Variants in MAPK10 observed in about 807,000 individuals in gnomAD.
The protein encoded by MAPK10 is mitogen-activated protein kinase 10, also known as JNK3 alpha protein kinase.
A neutral mutation model predicts 59.3 loss-of-function variants in MAPK10; 25 were observed. The observed-to-expected ratio is 0.42, with a 90% confidence interval of 0.31 to 0.59. The LOEUF is 0.59. Ranked by LOEUF, MAPK10 falls within the 20% of genes least tolerant of loss-of-function variation. The pLI, the probability that MAPK10 is intolerant of heterozygous loss-of-function variation, is 0.15. For synonymous variants in MAPK10, 190 were observed against 200.5 expected (o/e 0.95, Z 0.44); for missense variants, 351 against 568.9 (o/e 0.62, Z 3.90).
chr4:86,117,007 A>G (rs1253980343), intron 4 of MAPK10, among the ~76,000 whole-genome samples: 1 of 152,260 alleles, frequency 6.6e-6, no homozygotes, highest in Non-Finnish European at 1.5e-5. Flanking sequence ...CTTTCTGCTA[A>G]TTACAAATAC....
chr4:86,240,248 G>A (rs1423252432), intron 2 of MAPK10, among the ~76,000 whole-genome samples: 1 of 152,200 alleles, frequency 6.6e-6, no homozygotes, highest in African/African-American at 2.4e-5. Flanking sequence ...TGCACTTGCT[G>A]AGGAGTGTTT....
At chr4:86,029,766 G>A (rs566876231) in intron 12 of MAPK10, among the ~76,000 whole-genome samples, 1 of 151,130 alleles carries the variant, frequency 6.6e-6, no homozygotes, top group South Asian at 2.1e-4. Context: ...ACATTCTCAT[G>A]ACTTTAAATT....
intron 1 of MAPK10, chr4:86,357,681 T>C (rs1735206273): frequency 1.3e-5 from 2 of 152,158 alleles, no homozygotes; most frequent in South Asian, 4.1e-4. Flanking sequence ...CTGGGATCTG[T>C]TCATAAACAT....
chr4:86,463,938 G>A (rs1175508492), intron 1 of MAPK10, among the ~76,000 whole-genome samples: 1 of 152,166 alleles, frequency 6.6e-6, no homozygotes, highest in African/African-American at 2.4e-5. Flanking sequence ...TAGTATTATT[G>A]TTCAAGAGCA....
chr4:86,328,815 C>T (rs2096083497), intron 2 of MAPK10, among the ~76,000 whole-genome samples: 1 of 151,992 alleles, frequency 6.6e-6, no homozygotes, highest in Non-Finnish European at 1.5e-5. Context: ...AATACATGGA[C>T]ACAGGGAGGG....
At chr4:86,165,365 CAT>C (rs2071274963) in intron 3 of MAPK10, among the ~76,000 whole-genome samples, 1 of 151,864 alleles carries the variant, frequency 6.6e-6, no homozygotes, top group South Asian at 2.1e-4. Flanking sequence ...AAATTATTTA[CAT>C]ATGAGATTCG....
chr4:86,153,516 A>G (rs550173876), intron 4 of MAPK10, among the ~76,000 whole-genome samples: 1 of 152,336 alleles, frequency 6.6e-6, no homozygotes, highest in South Asian at 2.1e-4. Context: ...AGCATTAGTT[A>G]TCACATCAAC....
At chr4:86,548,565 T>C (rs545196342) in intron 1 of MAPK10, among the ~76,000 whole-genome samples, 12 of 152,334 alleles carry the variant, frequency 7.9e-5, no homozygotes, top group African/African-American at 2.9e-4. Flanking sequence ...TGGTTTCTAA[T>C]GGTTTATCAC....
intron 2 of MAPK10, among the ~76,000 whole-genome samples, chr4:86,221,434 T>C (rs2089549924): frequency 6.6e-6 from 1 of 152,160 alleles, no homozygotes; most frequent in East Asian, 1.9e-4. Flanking sequence ...TTGATATGGT[T>C]TGGATCTGTG....
chr4:86,392,620 A>T (rs1349696733), intron 1 of MAPK10, among the ~76,000 whole-genome samples: 4 of 152,090 alleles, frequency 2.6e-5, no homozygotes, highest in Non-Finnish European at 4.4e-5. Context: ...AAAAAAAAGG[A>T]GCAGACTAGC....
chr4:86,294,734 A>C (rs576424793), intron 2 of MAPK10, among the ~76,000 whole-genome samples: 5 of 152,098 alleles, frequency 3.3e-5, no homozygotes, highest in Admixed American at 3.3e-4. Flanking sequence ...AGGTGAGGAG[A>C]GGAGAGACCA....
intron 1 of MAPK10, among the ~76,000 whole-genome samples, chr4:86,547,657 T>G (rs891583402): frequency 1.3e-5 from 2 of 152,272 alleles, no homozygotes; most frequent in East Asian, 3.9e-4. Flanking sequence ...GGCAGGGAGC[T>G]CCACCTGCAG....
chr4:86,338,675 T>C (rs922367596), intron 2 of MAPK10, among the ~76,000 whole-genome samples: 1 of 152,202 alleles, frequency 6.6e-6, no homozygotes, highest in African/African-American at 2.4e-5. Flanking sequence ...CCAGTCCTAG[T>C]AGGGTTCACC....
chr4:86,091,220 A>C (rs1342235225), intron 9 of MAPK10: 1 of 151,552 alleles, frequency 6.6e-6, no homozygotes, highest in Non-Finnish European at 1.5e-5. Context: ...TGGGAATTAA[A>C]TATCTTTGGA....
chr4:86,466,381 A>G lies in MAPK10; in HGVS notation c.-262-111737T>C, dbSNP rs1177934110. 4.6e-5 allele frequency among the ~76,000 whole-genome samples: 7 copies of G among 152,202 alleles called. No homozygotes were observed. In the East Asian group the frequency reaches 1.3e-3, roughly 29 times the overall value. ...TCTGAACAAAATGGTCAGATGGTAG[A>G]AATGGTAGGAAGTACAGCAAGAGTT... is the stretch of plus-strand genomic sequence containing the variant. On this transcript the variant is annotated intron_variant, in intron 1 of 4. Coordinates refer to the MAPK10 transcript ENST00000502302.
chr4:86,313,613 A>G (rs1441794494), intron 2 of MAPK10, among the ~76,000 whole-genome samples: 1 of 152,164 alleles, frequency 6.6e-6, no homozygotes, highest in Non-Finnish European at 1.5e-5. Flanking sequence ...AGATTAAAAT[A>G]TTCTCAACAT....
At chr4:86,239,722 A>G (rs1382398442) in intron 2 of MAPK10, among the ~76,000 whole-genome samples, 1 of 145,598 alleles carries the variant, frequency 6.9e-6, no homozygotes, top group Non-Finnish European at 1.5e-5. Context: ...TACTGTGTCT[A>G]TTTGATTTTT....
chr4:86,540,829 G>C (rs998538367), intron 1 of MAPK10, among the ~76,000 whole-genome samples: 1 of 152,016 alleles, frequency 6.6e-6, no homozygotes, highest in Non-Finnish European at 1.5e-5. Flanking sequence ...TGGGGTAGGC[G>C]TGGTGGCTCA....
chr4:86,054,763 A>T (rs1171854709), intron 11 of MAPK10, among the ~76,000 whole-genome samples: 1 of 152,158 alleles, frequency 6.6e-6, no homozygotes, highest in Non-Finnish European at 1.5e-5. Flanking sequence ...TGACAGATAG[A>T]TGGTACTAAA....
Sources: allele counts gnomAD v4.1 joint callset (sites outside exome capture counted in the v4.1 genomes callset), GRCh38; gene constraint gnomAD v4.1.1; transcripts MANE v1.5; gene names NCBI Gene and HGNC (gene_info 2026-07-23, HGNC 2026-07-21).